Variants in PLEKHG2 observed in about 807,000 individuals in gnomAD.
PLEKHG2 encodes the protein pleckstrin homology and RhoGEF domain containing G2.
PLEKHG2 carries 71 observed loss-of-function variants against 104.4 expected under a neutral mutation model. The observed-to-expected ratio is 0.68, with a 90% confidence interval of 0.56 to 0.83. The LOEUF is 0.83. Among genes scored for constraint, PLEKHG2 ranks in the 40% least tolerant of loss-of-function variants. PLEKHG2 has a pLI of 0.00. For missense variants in PLEKHG2, 1,730 were observed against 1,809.4 expected (o/e 0.96, Z 0.80); for synonymous variants, 728 against 737.0 (o/e 0.99, Z 0.20).
At chr19:39,420,371 A>T (rs1453711945) in intron 11 of PLEKHG2, among the ~76,000 whole-genome samples, 2 of 152,126 alleles carry the variant, frequency 1.3e-5, no homozygotes, top group Admixed American at 1.3e-4. Context: ...AAAAAAAAAA[A>T]AAAATTAGCT....
Position 39,425,362 on chromosome 19 carries a change from T to C in PLEKHG2, c.*68T>C. 6.5e-7 allele frequency: 1 copy of C among 1,534,778 alleles called. No homozygotes were observed. Among genetic ancestry groups the C allele is most frequent in the Non-Finnish European group, 8.7e-7 (1 of 1,144,062 alleles). On this transcript the variant is annotated 3_prime_UTR_variant, in exon 19 of 19. Transcript: ENST00000425673. ...TGCCATAGACCCTCAGAACTTGACC[T>C]GGAAGTCCAGACACTGAACGCAGGC... is the stretch of plus-strand genomic sequence containing the variant.
chr19:39,420,332 C>A (rs1309321096), intron 11 of PLEKHG2, among the ~76,000 whole-genome samples: 1 of 151,566 alleles, frequency 6.6e-6, no homozygotes. Context: ...GCACTCCAAC[C>A]TCGGCAACAA....
chr19:39,418,985 T>C lies in PLEKHG2; in HGVS notation c.1245T>C (p.Pro415=). 1 of 1,612,354 alleles carries C rather than the reference T, an allele frequency of 6.2e-7. No homozygotes were observed. Among genetic ancestry groups the C allele is most frequent in the Non-Finnish European group, 8.5e-7 (1 of 1,179,696 alleles). ...CLQRLFFENH[P]ASIPAKAKQV... is the part of the protein sequence containing the mutation. Reference sequence around the variant, plus strand: ...AGCGCCTCTTCTTTGAGAACCACCCTGCCTCCATCCCTGCCAAGGTACAGC... The same window carrying C: ...AGCGCCTCTTCTTTGAGAACCACCCCGCCTCCATCCCTGCCAAGGTACAGC... Residue 415 remains proline, a synonymous_variant, in exon 11 of 19, where the codon CCT becomes CCC. Coordinates refer to ENST00000425673, the MANE Select transcript of PLEKHG2 (RefSeq NM_022835.3).
Position 39,425,471 on chromosome 19 carries a change from G to A in PLEKHG2, c.*177G>A. The A allele has an allele frequency of 9.1e-6, 2 of 219,914 alleles. No homozygotes were observed. The highest frequency in any genetic ancestry group is 1.1e-5 in the Non-Finnish European group (2 of 175,240). The allele number at this position is 219,914 out of a possible 1,614,324, so 13.6% of individuals were successfully genotyped here. On this transcript the variant is annotated 3_prime_UTR_variant, in exon 19 of 19. Transcript: ENST00000425673. ...GCCTTGATCCACAGGGATGGGGAAGGGAGGAATGTCATTAATGTTTTGTTA... is the reference window on the plus strand; with the variant it reads ...GCCTTGATCCACAGGGATGGGGAAGAGAGGAATGTCATTAATGTTTTGTTA...
Position 39,424,420 on chromosome 19 carries a change from C to A in PLEKHG2, c.3287C>A (p.Pro1096His). Residue 1096 changes from proline to histidine, a missense_variant, in exon 19 of 19, where the codon CCC (proline) becomes CAC (histidine). Transcript: ENST00000425673. Reference protein sequence around the residue: ...DPQGPGDTLPPLPCHLPDLQI... With the variant: ...DPQGPGDTLPHLPCHLPDLQI... ...CAGGGCCCAGGCGACACCCTACCAC[C>A]CTTGCCATGTCACCTCCCAGACCTT... The A allele has an allele frequency of 1.2e-6, 2 of 1,614,162 alleles. No homozygotes were observed.
At position 39,420,736 on chromosome 19, in the gene PLEKHG2, A is replaced by G. The variant is rs953656942; in HGVS notation, c.1298-15A>G. On this transcript the variant is annotated splice_polypyrimidine_tract_variant and intron_variant, in intron 12 of 18. Coordinates refer to ENST00000425673, the MANE Select transcript of PLEKHG2 (RefSeq NM_022835.3). ...AAGAAAAAGTTGGCTTTTAGCCCCA[A>G]AACTCTCCCCACAGGTGCCCCCAAA... 3 of 1,614,024 alleles carry G rather than the reference A, an allele frequency of 1.9e-6. No individual in the cohort carries two copies. Among genetic ancestry groups the G allele is most frequent in the African/African-American group, 1.3e-5 (1 of 74,904 alleles).
In PLEKHG2 at chr19:39,415,232, A is replaced by G; in HGVS notation, c.350A>G (p.Tyr117Cys). Residue 117 changes from tyrosine (Y) to cysteine (C), a missense_variant, in exon 3 of 19, where the codon TAT becomes TGT. Coordinates refer to ENST00000425673, the MANE Select transcript of PLEKHG2 (RefSeq NM_022835.3). The surrounding 1 kb of genome is among the most constrained non-coding windows in gnomAD (Gnocchi z 4.6). Reference protein sequence around the residue: ...AREIVETERAYVRDLRSIVED... With the variant: ...AREIVETERACVRDLRSIVED... ...GAGATCGTGGAGACAGAACGGGCCTATGTCAGGGACCTCCGCAGCATCGTG... is the reference window on the plus strand; with the variant it reads ...GAGATCGTGGAGACAGAACGGGCCTGTGTCAGGGACCTCCGCAGCATCGTG... 1 of 1,585,830 alleles carries G rather than the reference A, an allele frequency of 6.3e-7. No homozygotes were observed.
Position 39,413,419 on chromosome 19 carries a change from G to T in PLEKHG2, c.-23+7G>T, listed in dbSNP as rs113026461. ...GCTGGAGGCTCCCCGGGAGGTGAGG[G>T]GGGAGGCGAGGGGCCCAGGCGGACT... is the stretch of plus-strand genomic sequence containing the variant. On this transcript the variant is annotated splice_region_variant and intron_variant, in intron 1 of 18. Transcript: ENST00000425673. The surrounding 1 kb of genome is among the most constrained non-coding windows in gnomAD (Gnocchi z 4.5). 14 of 152,196 alleles carry T rather than the reference G, an allele frequency of 9.2e-5. No individual in the cohort carries two copies. The highest frequency in any genetic ancestry group is 1.9e-4 in the Non-Finnish European group (13 of 68,070). The allele number at this position is 152,196 out of a possible 1,614,324, so 9.4% of individuals were successfully genotyped here.
At position 39,413,279 on chromosome 19, in the gene PLEKHG2, C is replaced by G. The variant is rs1291818035; in HGVS notation, c.-156C>G. The stretch of plus-strand genomic sequence containing the variant: ...GCGGGACCCCAGTCTCCGAGAGACC[C>G]CAGATTCTATTCCTGGAGCCTGAGA... On this transcript the variant is annotated 5_prime_UTR_variant, in exon 1 of 19. Coordinates refer to ENST00000425673, the MANE Select transcript of PLEKHG2 (RefSeq NM_022835.3). The surrounding 1 kb of genome is among the most constrained non-coding windows in gnomAD (Gnocchi z 4.5). 6.6e-6 allele frequency: 1 copy of G among 152,270 alleles called. No individual in the cohort carries two copies. The highest frequency in any genetic ancestry group is 2.4e-5 in the African/African-American group (1 of 41,444). The allele number at this position is 152,270 out of a possible 1,614,324, so 9.4% of individuals were successfully genotyped here.
rs1474116685 is a variant in PLEKHG2, at chr19:39,427,350, T to C, written c.*2056T>C. On this transcript the variant is annotated 3_prime_UTR_variant, in exon 19 of 19. Coordinates refer to ENST00000425673, the MANE Select transcript of PLEKHG2 (RefSeq NM_022835.3). ...CTGGGAATCCGAATTTTTTTTTTTT[T>C]TTAGACGGAGTTTCGCTCTTGTTGC... 6 of 150,140 alleles carry C rather than the reference T, an allele frequency of 4.0e-5. No individual in the cohort carries two copies. Among genetic ancestry groups the C allele is most frequent in the Non-Finnish European group, 8.9e-5 (6 of 67,668 alleles). 9.3% of individuals were successfully genotyped at this position (150,140 alleles called of 1,614,324 possible).
Position 39,424,625 on chromosome 19 carries a change from C to G in PLEKHG2, c.3492C>G (p.Pro1164=). The part of the protein sequence containing the change: ...DIWVQALPTS[P]KQGSLPDIQG... ...GGGTCCAAGCCCTCCCAACTTCACC[C>G]AAGCAGGGAAGCCTCCCAGACATCC... The change falls in exon 19 of 19, where the codon CCC becomes CCG. Residue 1164 remains proline (P), a synonymous_variant. Coordinates refer to ENST00000425673, the MANE Select transcript of PLEKHG2 (RefSeq NM_022835.3). 6.2e-7 allele frequency: 1 copy of G among 1,614,158 alleles called. No homozygotes were observed. The highest frequency in any genetic ancestry group is 1.1e-5 in the South Asian group (1 of 91,076).
Position 39,425,107 on chromosome 19 carries a change from C to G in PLEKHG2, c.3974C>G (p.Pro1325Arg), listed in dbSNP as rs1255675807. 2.5e-6 allele frequency: 4 copies of G among 1,588,458 alleles called. No homozygotes were observed. Among genetic ancestry groups the G allele is most frequent in the Non-Finnish European group, 3.4e-6 (4 of 1,167,598 alleles). ...RASSPPPQPQ[P>R]PPPPARRLSY... ...TCTTCGCCGCCCCCCCAGCCCCAGC[C>G]ACCACCTCCCCCAGCCAGGCGGCTC... Residue 1325 changes from proline (P) to arginine (R), a missense_variant, in exon 19 of 19, where the codon CCA (proline) becomes CGA (arginine). Transcript: ENST00000425673.
At position 39,418,035 on chromosome 19, in the gene PLEKHG2, TC is replaced by T. The variant is rs1227145077; in HGVS notation, c.1015del (p.Leu339CysfsTer27). ...CTACGAGGGGGTGAGCGGCTGCTCT[TC>T]CTGTTCTCTCGGATGCTGCTGGTGG... ...PRLRGGERLL[F>X]LFSRMLLVAK... On this transcript the variant is annotated frameshift_variant, in exon 9 of 19. Transcript: ENST00000425673. LOFTEE classifies it high-confidence loss of function. 1.9e-6 allele frequency: 3 copies of T among 1,556,068 alleles called. No homozygotes were observed. The highest frequency in any genetic ancestry group is 2.7e-5 in the African/African-American group (2 of 73,266).
chr19:39,423,987 G>A lies in PLEKHG2; in HGVS notation c.2854G>A (p.Ala952Thr), dbSNP rs202165686. The A allele has an allele frequency of 1.4e-5, 23 of 1,613,982 alleles. No homozygotes were observed. Among genetic ancestry groups the A allele is most frequent in the Middle Eastern group, 1.6e-4 (1 of 6,062 alleles). The change falls in exon 19 of 19, where the codon GCC becomes ACC. Residue 952 changes from alanine to threonine, a missense_variant. Coordinates refer to ENST00000425673, the MANE Select transcript of PLEKHG2 (RefSeq NM_022835.3). ...GGSRHVQAPA[A>T]TPLPKQEGPL... Reference sequence around the variant, plus strand: ...TTCCCGGCATGTCCAGGCTCCAGCCGCCACACCTTTGCCCAAGCAAGAAGG... The same window carrying A: ...TTCCCGGCATGTCCAGGCTCCAGCCACCACACCTTTGCCCAAGCAAGAAGG...
At chr19:39,418,578 CAA>C (rs368208279) in intron 9 of PLEKHG2, among the ~76,000 whole-genome samples, 154 bp from the exon 10 acceptor site, 6 of 130,040 alleles carry the variant, frequency 4.6e-5, no homozygotes, top group Admixed American at 7.8e-5. Flanking sequence ...GACTCTGTCT[CAA>C]AAAAAAAAAA....
In PLEKHG2 at chr19:39,413,437, G is replaced by C. The variant is rs1051030755; in HGVS notation, c.-23+25G>C. ...GGTGAGGGGGGAGGCGAGGGGCCCA[G>C]GCGGACTGGGGGAGGGGGCGGCGCC... On this transcript the variant is annotated intron_variant, in intron 1 of 18. Coordinates refer to ENST00000425673, the MANE Select transcript of PLEKHG2 (RefSeq NM_022835.3). The surrounding 1 kb of genome is among the most constrained non-coding windows in gnomAD (Gnocchi z 4.5). The C allele has an allele frequency of 2.0e-5, 3 of 152,198 alleles. No homozygotes were observed. The highest frequency in any genetic ancestry group is 7.2e-5 in the African/African-American group (3 of 41,420). The allele number at this position is 152,198 out of a possible 1,614,324, so 9.4% of individuals were successfully genotyped here. A position where few individuals can be genotyped will look rare whatever the true frequency, so the allele number is the denominator to read the frequency against.
rs774023315 is a variant in PLEKHG2, at chr19:39,425,060, C to T, written c.3927C>T (p.Ser1309=). 2.9e-5 allele frequency: 46 copies of T among 1,598,366 alleles called. No homozygotes were observed. Among genetic ancestry groups the T allele is most frequent in the Non-Finnish European group, 3.7e-5 (43 of 1,172,974 alleles). Residue 1309 remains serine, a synonymous_variant, in exon 19 of 19, where the codon TCC becomes TCT. Transcript: ENST00000425673. ...GAPAASRGSW[S]SAPTSRASSP... is the part of the protein sequence containing the mutation. The stretch of plus-strand genomic sequence containing the variant: ...CCGCAGCCTCCCGGGGCTCCTGGTC[C>T]TCTGCTCCCACGTCACGGGCATCTT...
At chr19:39,419,693 T>G (rs1302002545) in intron 11 of PLEKHG2, among the ~76,000 whole-genome samples, 1 of 151,320 alleles carries the variant, frequency 6.6e-6, no homozygotes, top group Non-Finnish European at 1.5e-5. Flanking sequence ...CTGGCTAACA[T>G]GGTGAAACCC....
At position 39,415,017 on chromosome 19, in the gene PLEKHG2, C is replaced by T. The variant is rs752592791; in HGVS notation, c.135C>T (p.Ser45=). 6.3e-7 allele frequency: 1 copy of T among 1,597,826 alleles called. No homozygotes were observed. The highest frequency in any genetic ancestry group is 2.3e-5 in the East Asian group (1 of 44,194). ...CTCCTGCAGCCCCCACCATGGCCTC[C>T]CCCCGAGGTTCTGGGAGCTCCACAT... ...RTAPAAPTMA[S]PRGSGSSTSL... The change falls in exon 3 of 19, where the codon TCC becomes TCT. Residue 45 remains serine (S), a synonymous_variant. Coordinates refer to ENST00000425673, the MANE Select transcript of PLEKHG2 (RefSeq NM_022835.3). The surrounding 1 kb of genome is among the most constrained non-coding windows in gnomAD (Gnocchi z 4.6).
Sources: gnomAD v4.1 joint callset for allele counts (sites outside exome capture counted in the v4.1 genomes callset) on GRCh38, gnomAD v4.1.1 for gene constraint, Gnocchi (gnomAD v3.1) non-coding constraint, MANE v1.5 for transcripts, NCBI Gene and HGNC (gene_info 2026-07-23, HGNC 2026-07-21) for gene names.